ERCC6L2: variants seen among roughly 807,000 people sequenced by gnomAD.
ERCC6L2 encodes ERCC excision repair 6 like 2, also known as DNA excision repair protein ERCC-6-like 2.
ERCC6L2 carries 77 observed loss-of-function variants against 132.0 expected under a neutral mutation model. The ratio of observed to expected loss-of-function variants is 0.58; its 90% CI spans 0.49 to 0.71. The LOEUF (loss-of-function observed/expected upper bound fraction) is 0.71, where lower values mean the gene tolerates loss of function less well. ERCC6L2 is among the 30% of genes least tolerant of loss of function. The probability of loss-of-function intolerance (pLI) is 0.00; values close to 1 mark genes in which losing one functional copy is unlikely to be tolerated. For synonymous variants in ERCC6L2, 583 were observed against 632.4 expected (o/e 0.92, Z 1.17); for missense variants, 1,542 against 1,837.6 (o/e 0.84, Z 2.94).
intron 9 of ERCC6L2, 65 bp from the exon 10 acceptor site, chr9:95,928,014 T>G: frequency 9.7e-7 from 1 of 1,033,130 alleles, no homozygotes; most frequent in Non-Finnish European, 1.5e-6. Context: ...TCAAGTGATG[T>G]TTATATGTAT....
intron 2 of ERCC6L2, among the ~76,000 whole-genome samples, chr9:95,889,979 G>T (rs1268327069): frequency 6.6e-6 from 1 of 152,092 alleles, no homozygotes; most frequent in South Asian, 2.1e-4. Flanking sequence ...CAGCCAGTTT[G>T]CGCACATTAA....
At chr9:95,998,248 T>C (rs1162867543) in intron 17 of ERCC6L2, among the ~76,000 whole-genome samples, 3 of 152,084 alleles carry the variant, frequency 2.0e-5, no homozygotes, top group Non-Finnish European at 4.4e-5. Flanking sequence ...TACAGAACCT[T>C]TGGAGGGTCG....
chr9:95,996,731 T>C (rs1297197192), intron 17 of ERCC6L2, among the ~76,000 whole-genome samples: 4 of 152,208 alleles, frequency 2.6e-5, no homozygotes, highest in African/African-American at 9.6e-5. Context: ...TGGCATGGCT[T>C]ACTGAATATT....
chr9:95,980,501 T>C (rs570195538), intron 17 of ERCC6L2, among the ~76,000 whole-genome samples: 1 of 152,292 alleles, frequency 6.6e-6, no homozygotes, highest in East Asian at 1.9e-4. Context: ...CAGTCAGTAA[T>C]TGATACAGCA....
rs756458345 is a variant in ERCC6L2 at position 95,907,236 on chromosome 9, T to A, written c.753T>A (p.Tyr251Ter). ...AATGTGAAATTGCTCTAACAACTTA[T>A]GAAACACTACGCTTATGCCTGGATG... ...QRKCEIALTTYETLRLCLDEL... is the reference protein window; with the variant it reads ...QRKCEIALTT Residue 251 changes from tyrosine (Y) to a stop codon, truncating the protein, a stop_gained, in exon 4 of 19, where the codon TAT (tyrosine) becomes TAA (stop). Coordinates refer to ENST00000653738, the MANE Select transcript of ERCC6L2 (RefSeq NM_020207.7). LOFTEE classifies it high-confidence loss of function. 1.2e-6 allele frequency: 2 copies of A among 1,612,938 alleles called. No homozygotes were observed. Among genetic ancestry groups the A allele is most frequent in the South Asian group, 1.1e-5 (1 of 90,898 alleles).
intron 3 of ERCC6L2, 80 bp downstream of exon 3, chr9:95,898,051 TTAAAATG>T: frequency 7.9e-7 from 1 of 1,260,718 alleles, no homozygotes; most frequent in Non-Finnish European, 1.1e-6. Context: ...ATATCACACA[TTAAAATG>T]TATTGGTATA....
chr9:95,934,605 G>A (rs1316171886), intron 11 of ERCC6L2, among the ~76,000 whole-genome samples: 1 of 151,976 alleles, frequency 6.6e-6, no homozygotes, highest in African/African-American at 2.4e-5. Context: ...ATGAATACTA[G>A]GCACAACTTC....
At position 95,982,371 on chromosome 9, in the gene ERCC6L2, C is replaced by T. The variant is rs192446686; in HGVS notation, c.3492+4156C>T. Among the ~76,000 whole-genome samples the T allele has an allele frequency of 9.5e-4, 145 of 152,144 alleles. 1 individual carries two copies. The highest frequency in any genetic ancestry group is 6.8e-3 in the Middle Eastern group (2 of 294). On this transcript the variant is annotated intron_variant, in intron 17 of 18. Transcript: ENST00000653738. ...TTACTTAAAGGATTTCTGTGAGCTACGGTGGGTTTGATTGCAGTATGTTTA... is the reference window on the plus strand; with the variant it reads ...TTACTTAAAGGATTTCTGTGAGCTATGGTGGGTTTGATTGCAGTATGTTTA...
chr9:96,034,180 G>C (rs377134464), intron 19 of ERCC6L2, among the ~76,000 whole-genome samples: 3 of 152,248 alleles, frequency 2.0e-5, no homozygotes, highest in African/African-American at 7.2e-5. Context: ...AGTCAGGGTA[G>C]GGATAGGAGG....
intron 2 of ERCC6L2, among the ~76,000 whole-genome samples, chr9:95,888,684 A>G (rs1828002590): frequency 6.6e-6 from 1 of 152,192 alleles, no homozygotes; most frequent in Non-Finnish European, 1.5e-5. Flanking sequence ...GCTAGCTGAC[A>G]GAGACTGCAT....
chr9:95,935,609 A>G (rs746013054), intron 11 of ERCC6L2, among the ~76,000 whole-genome samples: 5 of 152,230 alleles, frequency 3.3e-5, no homozygotes, highest in African/African-American at 7.2e-5. Flanking sequence ...GGCTTTGTTA[A>G]TGACACCTGA....
intron 4 of ERCC6L2, 107 bp from the exon 5 acceptor site, chr9:95,915,561 G>C: frequency 8.2e-7 from 1 of 1,214,288 alleles, no homozygotes; most frequent in Non-Finnish European, 1.1e-6. Flanking sequence ...AGAGTAAAAA[G>C]GAAAAAATAA....
chr9:95,914,196 G>A (rs1434294055), intron 4 of ERCC6L2, among the ~76,000 whole-genome samples: 2 of 152,244 alleles, frequency 1.3e-5, no homozygotes, highest in Middle Eastern at 3.4e-3. Context: ...TGGGTGTGTT[G>A]TGGTATTTCA....
intron 13 of ERCC6L2, among the ~76,000 whole-genome samples, chr9:95,957,738 A>C (rs1831680489): frequency 1.3e-5 from 2 of 152,164 alleles, no homozygotes; most frequent in Non-Finnish European, 2.9e-5. Flanking sequence ...AATAAAGATA[A>C]GATGGCAATC....
chr9:95,938,274 T>C (rs1426904136), intron 11 of ERCC6L2, among the ~76,000 whole-genome samples: 1 of 152,016 alleles, frequency 6.6e-6, no homozygotes, highest in Non-Finnish European at 1.5e-5. Flanking sequence ...TGGCCCAGGA[T>C]TTGGTCTATC....
Position 95,915,708 on chromosome 9 carries a change from A to G in ERCC6L2, c.829A>G (p.Ile277Val), listed in dbSNP as rs746442145. 1 of 1,613,884 alleles carries G rather than the reference A, an allele frequency of 6.2e-7. No individual in the cohort carries two copies. Among genetic ancestry groups the G allele is most frequent in the South Asian group, 1.1e-5 (1 of 91,020 alleles). The stretch of plus-strand genomic sequence containing the variant: ...TGTCATTGTGGATGAAGCTCATAGA[A>G]TCAAGAATCCAAAAGCTAGAGTAAC... ...SAVIVDEAHR[I>V]KNPKARVTEV... is the part of the protein sequence containing the mutation. Residue 277 changes from isoleucine to valine, a missense_variant, in exon 5 of 19, where the codon ATC (isoleucine) becomes GTC (valine). Physicochemically the swap from Ile to Val is conservative, Grantham distance 29. Coordinates refer to ENST00000653738, the MANE Select transcript of ERCC6L2 (RefSeq NM_020207.7).
intron 19 of ERCC6L2, among the ~76,000 whole-genome samples, chr9:96,037,055 T>C (rs141645158): frequency 0.033 from 4,981 of 152,236 alleles, 117 homozygotes; most frequent in East Asian, 0.15. Context: ...CGTGAGCCAC[T>C]GCGCCCGGCC....
At chr9:95,950,251 C>CA (rs1375866122) in intron 12 of ERCC6L2, among the ~76,000 whole-genome samples, 1 of 151,922 alleles carries the variant, frequency 6.6e-6, no homozygotes, top group Non-Finnish European at 1.5e-5. Context: ...ACATTGATAT[C>CA]AATGTAAAAT....
At position 95,972,342 on chromosome 9, in the gene ERCC6L2, A is replaced by G. The variant is rs1337767665; in HGVS notation, c.2591A>G (p.Tyr864Cys). 7.8e-7 allele frequency: 1 copy of G among 1,287,878 alleles called. No individual in the cohort carries two copies. Among genetic ancestry groups the G allele is most frequent in the African/African-American group, 1.5e-5 (1 of 64,944 alleles). The allele number at this position is 1,287,878 out of a possible 1,614,324, so 79.8% of individuals were successfully genotyped here. The change falls in exon 16 of 19, where the codon TAT becomes TGT. Residue 864 changes from tyrosine (Y) to cysteine (C), a missense_variant. Around this residue, in one of 4 missense-constraint regions of ERCC6L2, gnomAD observed 945 missense variants for 1,105.2 expected, o/e 0.86. Transcript: ENST00000653738. ...AATCCAAAAGAAAAGCATATTTTTT[A>G]TAAAAGTGAGAAGATTTTAGAACAG... ...ILNPKEKHIF[Y>C]KSEKILEQNI...
Sources: gnomAD v4.1 joint callset for allele counts (sites outside exome capture counted in the v4.1 genomes callset) on GRCh38, gnomAD v4.1.1 for gene constraint, gnomAD v4.1.1 regional missense constraint, MANE v1.5 for transcripts, NCBI Gene and HGNC (gene_info 2026-07-23, HGNC 2026-07-21) for gene names.